The following CD44 variants were observed in gnomAD, a reference collection of about 807,000 sequenced individuals.
CD44 encodes CD44 antigen.
A neutral mutation model predicts 88.8 loss-of-function variants in CD44; 49 were observed. The observed-to-expected ratio is 0.55, with a 90% confidence interval of 0.44 to 0.70. The LOEUF (loss-of-function observed/expected upper bound fraction) is 0.70. Ranked by LOEUF, CD44 falls within the 30% of genes least tolerant of loss-of-function variation. The probability of loss-of-function intolerance (pLI) is 0.00; values close to 1 mark genes in which losing one functional copy is unlikely to be tolerated. For missense variants in CD44, 883 were observed against 913.8 expected, an observed-to-expected ratio of 0.97 and a Z score of 0.43; for synonymous variants, 325 against 312.3, an observed-to-expected ratio of 1.04 and a Z score of -0.43.
At position 35,219,263 on chromosome 11, in the gene CD44, C is replaced by T. The variant is rs760853130; in HGVS notation, c.1874-53C>T. 7.3e-6 allele frequency: 10 copies of T among 1,371,958 alleles called. No homozygotes were observed. The Admixed American group carries it at 1.0e-4, about 14-fold the overall frequency. The allele number at this position is 1,371,958 out of a possible 1,614,324, so 85.0% of individuals were successfully genotyped here. On this transcript the variant is annotated intron_variant, in intron 15 of 17. Coordinates refer to ENST00000428726, the MANE Select transcript of CD44 (RefSeq NM_000610.4). ...GCCCTTTATGCAGCTCCACAAGGAA[C>T]TCATGGTTACACATTTCAAACTTTG... is the stretch of plus-strand genomic sequence containing the variant.
chr11:35,167,020 C>T (rs1335598744), intron 1 of CD44, among the ~76,000 whole-genome samples: 1 of 152,242 alleles, frequency 6.6e-6, no homozygotes, highest in Non-Finnish European at 1.5e-5. Context: ...TCTAGACTGG[C>T]AGGCCTGGGG....
rs1950062318 is a variant in CD44, at chr11:35,231,658, T to C, written c.*2325T>C. On this transcript the variant is annotated 3_prime_UTR_variant, in exon 18 of 18. Coordinates refer to ENST00000428726, the MANE Select transcript of CD44 (RefSeq NM_000610.4). ...CCCTTGCAACATTGCCTGAAGTTTA[T>C]GGAATAAGATGTATTCTCACTCCCT... 1 of 152,184 alleles carries C rather than the reference T, an allele frequency of 6.6e-6. No individual in the cohort carries two copies. The highest frequency in any genetic ancestry group is 1.5e-5 in the Non-Finnish European group (1 of 68,028). 9.4% of individuals were successfully genotyped at this position (152,184 alleles called of 1,614,324 possible). A position where few individuals can be genotyped will look rare whatever the true frequency, so the allele number is the denominator to read the frequency against.
At chr11:35,163,206 T>G (rs949402282) in intron 1 of CD44, among the ~76,000 whole-genome samples, 1 of 152,014 alleles carries the variant, frequency 6.6e-6, no homozygotes, top group East Asian at 1.9e-4. Flanking sequence ...AAATTGTAAG[T>G]AAGAGCTATT....
chr11:35,143,829 C>T (rs370680245), intron 1 of CD44, among the ~76,000 whole-genome samples: 1 of 152,170 alleles, frequency 6.6e-6, no homozygotes, highest in African/African-American at 2.4e-5. Context: ...AGCTGCCCTC[C>T]CAGATATGCT....
At chr11:35,190,977 T>C (rs1347281179) in intron 5 of CD44, among the ~76,000 whole-genome samples, 2 of 152,248 alleles carry the variant, frequency 1.3e-5, no homozygotes, top group Non-Finnish European at 2.9e-5. Context: ...CCTGTTTCCC[T>C]CTTTGCTTTT....
chr11:35,175,181 G>A (rs1243467713), intron 1 of CD44, among the ~76,000 whole-genome samples: 2 of 152,230 alleles, frequency 1.3e-5, no homozygotes, highest in Non-Finnish European at 2.9e-5. Context: ...GAATGTCTGA[G>A]AGAATTGAAG....
At chr11:35,143,733 G>A (rs1276014431) in intron 1 of CD44, among the ~76,000 whole-genome samples, 2 of 152,184 alleles carry the variant, frequency 1.3e-5, no homozygotes, top group African/African-American at 4.8e-5. Context: ...GCCCTGGCCT[G>A]TCTCTCCCCA....
At chr11:35,198,468 G>A (rs569594035) in intron 7 of CD44, 3 of 500,098 alleles carry the variant, frequency 6.0e-6, no homozygotes, top group South Asian at 6.7e-5. Flanking sequence ...TGTTCTTCCT[G>A]TTTTATTTAT....
At chr11:35,184,448 G>C (rs894428337) in intron 3 of CD44, among the ~76,000 whole-genome samples, 5 of 152,132 alleles carry the variant, frequency 3.3e-5, no homozygotes, top group Non-Finnish European at 5.9e-5. Context: ...TCCAAAGCCT[G>C]GTTCCAGGTA....
intron 16 of CD44, among the ~76,000 whole-genome samples, chr11:35,219,926 C>A (rs955127545): frequency 3.9e-5 from 6 of 152,146 alleles, no homozygotes; most frequent in African/African-American, 1.4e-4. Flanking sequence ...AGAAAGTATG[C>A]ATGTGCAGTG....
At chr11:35,220,396 C>T (rs890771486) in intron 16 of CD44, among the ~76,000 whole-genome samples, 2 of 152,168 alleles carry the variant, frequency 1.3e-5, no homozygotes, top group Admixed American at 6.5e-5. Flanking sequence ...GACTCTACCT[C>T]CCTCTCCAAA....
At chr11:35,217,114 A>T (rs1948889619) in intron 15 of CD44, among the ~76,000 whole-genome samples, 1 of 146,850 alleles carries the variant, frequency 6.8e-6, no homozygotes, top group Admixed American at 7.0e-5. Context: ...GCTATCTCAC[A>T]TCCATCTTCT....
intron 5 of CD44, among the ~76,000 whole-genome samples, chr11:35,193,584 AT>A (rs774670796): frequency 6.6e-6 from 1 of 152,208 alleles, no homozygotes; most frequent in Non-Finnish European, 1.5e-5. Context: ...GGGATATATA[AT>A]TTAAAGTGGC....
intron 2 of CD44, among the ~76,000 whole-genome samples, chr11:35,178,736 G>A (rs1293207535): frequency 6.6e-6 from 1 of 152,190 alleles, no homozygotes; most frequent in East Asian, 1.9e-4. Context: ...TAGAATGTTG[G>A]TGTTATCCAT....
At chr11:35,219,225 A>G in intron 15 of CD44, 91 bp from the exon 16 acceptor site, 1 of 904,474 alleles carries the variant, frequency 1.1e-6, no homozygotes, top group Non-Finnish European at 1.9e-6. Flanking sequence ...AGTGATTCAG[A>G]ATGTGGAGAG....
In CD44 at chr11:35,219,403, T is replaced by C. The variant is rs756134592; in HGVS notation, c.1945+16T>C. On this transcript the variant is annotated intron_variant, in intron 16 of 17. Transcript: ENST00000428726. The stretch of plus-strand genomic sequence containing the variant: ...CAAATTCCAGGTGAGTTTCAAACTT[T>C]GAGGCAGAAAAACACACTGAAAGCA... 1.2e-6 allele frequency: 2 copies of C among 1,603,636 alleles called. No homozygotes were observed. Among genetic ancestry groups the C allele is most frequent in the East Asian group, 4.5e-5 (2 of 44,692 alleles).
rs1195018477 is a variant in CD44, at chr11:35,219,345, G to A, written c.1903G>A (p.Ala635Thr). The A allele has an allele frequency of 3.1e-6, 5 of 1,613,754 alleles. No individual in the cohort carries two copies. The African/African-American group carries it at 5.3e-5, about 17-fold the overall frequency. ...CTCACATGGGAGTCAAGAAGGTGGA[G>A]CAAACACAACCTCTGGTCCTATAAG... is the stretch of plus-strand genomic sequence containing the variant. ...GHSHGSQEGG[A>T]NTTSGPIRTP... Residue 635 changes from alanine to threonine, a missense_variant, in exon 16 of 18, where the codon GCA (alanine) becomes ACA (threonine). By Grantham distance (58) the Ala-to-Thr change is moderately conservative. Transcript: ENST00000428726.
intron 5 of CD44, among the ~76,000 whole-genome samples, chr11:35,191,859 A>G (rs1390419105): frequency 3.3e-5 from 5 of 152,214 alleles, no homozygotes; most frequent in African/African-American, 1.2e-4. Context: ...AGAACCTACT[A>G]CGTACCAGGC....
In CD44 at chr11:35,196,730, A is replaced by G; in HGVS notation, c.668-16A>G. ...AATTAATCTTTCAACAATCAATTCA[A>G]TCATGATTACAACAGCTTTGATGAG... On this transcript the variant is annotated splice_polypyrimidine_tract_variant and intron_variant, in intron 5 of 17. Coordinates refer to ENST00000428726, the MANE Select transcript of CD44 (RefSeq NM_000610.4). 2 of 1,612,790 alleles carry G rather than the reference A, an allele frequency of 1.2e-6. No individual in the cohort carries two copies. Among genetic ancestry groups the G allele is most frequent in the Non-Finnish European group, 1.7e-6 (2 of 1,179,050 alleles).
Sources: gnomAD v4.1 joint callset for allele counts (sites outside exome capture counted in the v4.1 genomes callset) on GRCh38, gnomAD v4.1.1 for gene constraint, MANE v1.5 for transcripts, NCBI Gene and HGNC (gene_info 2026-07-23, HGNC 2026-07-21) for gene names.